DNASE1: variants seen among roughly 807,000 people sequenced by gnomAD.
DNASE1 encodes deoxyribonuclease 1, also known as deoxyribonuclease-1.
Under a neutral mutation model 33.9 loss-of-function variants are expected in DNASE1, and 40 were observed. That is an observed-to-expected ratio of 1.18 (90% CI 0.92 to 1.54). The LOEUF (loss-of-function observed/expected upper bound fraction) is 1.54. Ranked by LOEUF, DNASE1 falls within the 40% of genes most tolerant of loss-of-function variation. The probability of loss-of-function intolerance (pLI) is 0.00; values close to 1 mark genes in which losing one functional copy is unlikely to be tolerated. For missense variants in DNASE1, 518 were observed against 372.6 expected (o/e 1.39, Z -3.21); for synonymous variants, 216 against 160.0 (o/e 1.35, Z -2.64).
exon 10 of DNASE1, chr16:3,664,193 T>G: frequency 7.1e-7 from 1 of 1,401,902 alleles, no homozygotes; most frequent in Non-Finnish European, 9.4e-7. Flanking sequence ...TTGGGCAGGT[T>G]CACCCAGCAC....
At chr16:3,628,310 C>T (rs1186432495) in intron 1 of DNASE1, among the ~76,000 whole-genome samples, 1 of 152,002 alleles carries the variant, frequency 6.6e-6, no homozygotes, top group Admixed American at 6.6e-5. Flanking sequence ...TTTGCTGATT[C>T]TGTTATTGTA....
chr16:3,657,592 G>A lies in DNASE1; in HGVS notation c.705-128G>A, dbSNP rs975414165. The A allele has an allele frequency of 3.8e-6, 5 of 1,319,868 alleles. No homozygotes were observed. The African/African-American group carries it at 5.9e-5, about 15-fold the overall frequency. The allele number at this position is 1,319,868 out of a possible 1,614,324, so 81.8% of individuals were successfully genotyped here. A position where few individuals can be genotyped will look rare whatever the true frequency, so the allele number is the denominator to read the frequency against. ...TCCACATTGAGGGGCACAGACCAGG[G>A]TGTGCAGTTTTGGGCACCCACAGAC... is the stretch of plus-strand genomic sequence containing the variant. On this transcript the variant is annotated intron_variant, in intron 7 of 8. Coordinates refer to ENST00000246949, the MANE Select transcript of DNASE1 (RefSeq NM_005223.4).
downstream of DNASE1, chr16:3,659,210 G>A (rs1274218662): frequency 2.8e-5 from 6 of 211,414 alleles, no homozygotes; most frequent in South Asian, 1.7e-4. Flanking sequence ...ATATTATAGG[G>A]CTCTAGTAAA....
At chr16:3,628,542 T>C (rs2041592446) in intron 1 of DNASE1, among the ~76,000 whole-genome samples, 1 of 152,030 alleles carries the variant, frequency 6.6e-6, no homozygotes, top group African/African-American at 2.4e-5. Flanking sequence ...GTTCATTCAA[T>C]GTGCATTTCT....
At chr16:3,646,196 G>C (rs1035941436) in intron 1 of DNASE1, among the ~76,000 whole-genome samples, 2 of 152,110 alleles carry the variant, frequency 1.3e-5, no homozygotes, top group African/African-American at 4.8e-5. Flanking sequence ...ACTGTGCTGG[G>C]TTCTCAAGGT....
intron 1 of DNASE1, among the ~76,000 whole-genome samples, chr16:3,618,251 A>AT (rs1491255235): frequency 3.2e-4 from 42 of 131,664 alleles, no homozygotes; most frequent in African/African-American, 1.1e-3. Flanking sequence ...GCCATTTCCT[A>AT]AAAAAAAAAA....
intron 1 of DNASE1, among the ~76,000 whole-genome samples, chr16:3,615,169 C>T (rs2041056407): frequency 6.6e-6 from 1 of 152,004 alleles, no homozygotes; most frequent in Non-Finnish European, 1.5e-5. Context: ...TTCTGATGGT[C>T]TCAAGATTGA....
intron 1 of DNASE1, among the ~76,000 whole-genome samples, chr16:3,645,661 A>G (rs1406348880): frequency 3.3e-5 from 5 of 152,218 alleles, no homozygotes; most frequent in Non-Finnish European, 7.4e-5. Flanking sequence ...GAGTGCTGAC[A>G]TTCCATAGCA....
At chr16:3,636,482 C>T (rs553395885) in intron 1 of DNASE1, among the ~76,000 whole-genome samples, 1 of 152,086 alleles carries the variant, frequency 6.6e-6, no homozygotes, top group African/African-American at 2.4e-5. Flanking sequence ...TCGTAGTATG[C>T]CTTGTAATTT....
intron 1 of DNASE1, among the ~76,000 whole-genome samples, chr16:3,649,157 G>T (rs1277404560): frequency 6.6e-6 from 1 of 152,202 alleles, no homozygotes; most frequent in Non-Finnish European, 1.5e-5. Context: ...AGGGACAGAG[G>T]CTGTCTTTTG....
upstream of DNASE1, among the ~76,000 whole-genome samples, chr16:3,640,455 G>A (rs2041999345): frequency 6.6e-6 from 1 of 152,224 alleles, no homozygotes; most frequent in Non-Finnish European, 1.5e-5. Flanking sequence ...CCTCCTGGCT[G>A]TAATTGGTGC....
At chr16:3,621,448 G>A (rs944769485) in intron 1 of DNASE1, among the ~76,000 whole-genome samples, 1 of 152,128 alleles carries the variant, frequency 6.6e-6, no homozygotes, top group African/African-American at 2.4e-5. Context: ...CTTCAGAAGG[G>A]TACAAAAATT....
exon 10 of DNASE1, chr16:3,664,642 C>G: frequency 1.6e-6 from 1 of 627,566 alleles, no homozygotes; most frequent in East Asian, 3.1e-5. Flanking sequence ...CATCAGGCCC[C>G]TTTTGGGAGC....
chr16:3,616,929 A>G (rs937096189), intron 1 of DNASE1, among the ~76,000 whole-genome samples: 1 of 152,212 alleles, frequency 6.6e-6, no homozygotes, highest in Non-Finnish European at 1.5e-5. Flanking sequence ...GAGCTGGGAT[A>G]ACAGGATATC....
At chr16:3,656,862 G>A (rs1347614581) in intron 5 of DNASE1, 109 bp downstream of exon 5, 1 of 1,543,898 alleles carries the variant, frequency 6.5e-7, no homozygotes, top group Admixed American at 2.0e-5. Context: ...CAGTCCCTGG[G>A]GCTTGGGTTT....
At position 3,656,634 on chromosome 16, in the gene DNASE1, G is replaced by GCAGGCCTGA; in HGVS notation, c.321-2_327dup. On this transcript the variant is annotated splice_polypyrimidine_tract_variant and splice_region_variant and intron_variant, in intron 4 of 8. Transcript: ENST00000246949. The stretch of plus-strand genomic sequence containing the variant: ...TCACCTCCTCCTGCCCGGCCTTCCC[G>GCAGGCCTGA]CAGGCCTGACCAGGTGTCTGCGGTG... The GCAGGCCTGA allele has an allele frequency of 1.2e-6, 2 of 1,607,134 alleles. No homozygotes were observed. Among genetic ancestry groups the GCAGGCCTGA allele is most frequent in the Non-Finnish European group, 8.5e-7 (1 of 1,176,818 alleles).
At chr16:3,627,738 G>A (rs1378141201) in intron 1 of DNASE1, among the ~76,000 whole-genome samples, 1 of 152,012 alleles carries the variant, frequency 6.6e-6, no homozygotes, top group East Asian at 1.9e-4. Context: ...ATTTATTTCT[G>A]GGCTGTCAAC....
chr16:3,655,175 T>A (rs961437458), intron 1 of DNASE1, 131 bp downstream of exon 1: 9 of 698,898 alleles, frequency 1.3e-5, no homozygotes, highest in Non-Finnish European at 2.1e-5. Flanking sequence ...TTCTGGTGGA[T>A]GGAGGAGTGA....
upstream of DNASE1, chr16:3,642,807 T>G (rs936313398): frequency 3.9e-5 from 6 of 152,428 alleles, no homozygotes; most frequent in East Asian, 9.6e-4. Context: ...CTGGAAGCTG[T>G]CCTTGTGGCC....
Sources: gnomAD v4.1 joint callset for allele counts (sites outside exome capture counted in the v4.1 genomes callset) on GRCh38, gnomAD v4.1.1 for gene constraint, MANE v1.5 for transcripts, NCBI Gene and HGNC (gene_info 2026-07-23, HGNC 2026-07-21) for gene names.